Variants in VILL observed in about 807,000 individuals in gnomAD.
The protein encoded by VILL is villin like.
In VILL, 102 loss-of-function variants were observed where a neutral mutation model predicts 106.3. The observed-to-expected ratio is 0.96, with a 90% confidence interval of 0.82 to 1.13. VILL has a LOEUF of 1.13. Ranked by LOEUF, VILL falls within the 50% of genes most tolerant of loss-of-function variation. The pLI is 0.00. For missense variants in VILL, 1,076 were observed against 1,116.6 expected (o/e 0.96, Z 0.52); for synonymous variants, 431 against 440.3 (o/e 0.98, Z 0.27).
chr3:38,003,473 G>A lies in VILL; in HGVS notation c.1805+160G>A, dbSNP rs1322646448. 1.3e-5 allele frequency: 13 copies of A among 973,742 alleles called. No individual in the cohort carries two copies. The South Asian group carries it at 1.9e-4, about 15-fold the overall frequency. The allele number at this position is 973,742 out of a possible 1,614,324, so 60.3% of individuals were successfully genotyped here. A position where few individuals can be genotyped will look rare whatever the true frequency, so the allele number is the denominator to read the frequency against. ...AGAGGCTCCCACAAGTACAGCCCAC[G>A]CTTCGCTCCCAGGCCTGGGTAACTT... On this transcript the variant is annotated intron_variant, in intron 15 of 19. Transcript: ENST00000383759.
At chr3:38,006,729 A>G in intron 19 of VILL, 29 bp downstream of exon 19, 3 of 1,580,578 alleles carry the variant, frequency 1.9e-6, no homozygotes, top group Non-Finnish European at 1.7e-6. Flanking sequence ...CCCCAGCACT[A>G]GTGCATCTGA....
intron 11 of VILL, chr3:38,001,175 TG>T: frequency 1.8e-6 from 1 of 555,098 alleles, no homozygotes; most frequent in South Asian, 1.9e-5. Flanking sequence ...ACCAGGGTTG[TG>T]GCTGGTGGGG....
In VILL at chr3:38,002,544, C is replaced by T; in HGVS notation, c.1628C>T (p.Thr543Ile). Reference protein sequence around the residue: ...LNSSDIFLLVTASVCYLWFGK... With the variant: ...LNSSDIFLLVIASVCYLWFGK... ...TCCAGTGACATCTTCTTGCTGGTCACAGCCAGCGTCTGCTACCTCTGGTTT... is the reference window on the plus strand; with the variant it reads ...TCCAGTGACATCTTCTTGCTGGTCATAGCCAGCGTCTGCTACCTCTGGTTT... Residue 543 changes from threonine to isoleucine, a missense_variant, in exon 14 of 20, where the codon ACA becomes ATA. Physicochemically the swap from Thr to Ile is moderately conservative, Grantham distance 89. Coordinates refer to ENST00000383759, the MANE Select transcript of VILL (RefSeq NM_015873.4). The T allele has an allele frequency of 6.2e-7, 1 of 1,614,058 alleles. No homozygotes were observed. The highest frequency in any genetic ancestry group is 2.2e-5 in the East Asian group (1 of 44,892).
Position 37,994,293 on chromosome 3 carries a change from G to A in VILL, c.168G>A (p.Ala56=), listed in dbSNP as rs527610755. The change falls in exon 4 of 20, where the codon GCG becomes GCA. Residue 56 remains alanine (A), a synonymous_variant. Coordinates refer to ENST00000383759, the MANE Select transcript of VILL (RefSeq NM_015873.4). ...VPQSPKATQG[A]SSDLHYWVGK... ...AGAGCCCGAAGGCCACGCAGGGGGC[G>A]TCCAGCGACCTGCACTACTGGGTCG... 1.8e-5 allele frequency: 29 copies of A among 1,611,234 alleles called. No homozygotes were observed. In the South Asian group the frequency reaches 2.6e-4, roughly 15 times the overall value.
In VILL at chr3:37,998,195, T is replaced by TG. The variant is rs1699741763; in HGVS notation, c.843+28dup. ...TGAGGAAGGCCTGGCCCCAGCTACT[T>TG]GCATCCTTCCCCATCCACAACCCCA... On this transcript the variant is annotated intron_variant, in intron 8 of 19. Transcript: ENST00000383759. This position sits in a 1 kb window ranked among gnomAD's most constrained non-coding sequence, Gnocchi z 4.1. The TG allele has an allele frequency of 6.2e-7, 1 of 1,613,944 alleles. No individual in the cohort carries two copies. The highest frequency in any genetic ancestry group is 8.5e-7 in the Non-Finnish European group (1 of 1,179,914).
Position 37,998,770 on chromosome 3 carries a change from G to C in VILL, c.943-142G>C, listed in dbSNP as rs1699754067. On this transcript the variant is annotated intron_variant, in intron 9 of 19. Transcript: ENST00000383759. The surrounding 1 kb of genome is among the most constrained non-coding windows in gnomAD (Gnocchi z 4.1). ...GACCTCAGAGAAGTCGGTGGTGACA[G>C]AGTCAATTCGCTAAGTGGGTCATGA... The C allele has an allele frequency of 1.4e-6, 2 of 1,391,886 alleles. No homozygotes were observed. Among genetic ancestry groups the C allele is most frequent in the Non-Finnish European group, 1.9e-6 (2 of 1,060,230 alleles). The allele number at this position is 1,391,886 out of a possible 1,614,324, so 86.2% of individuals were successfully genotyped here.
chr3:37,995,819 A>G lies in VILL; in HGVS notation c.422A>G (p.Lys141Arg). The change falls in exon 5 of 20, where the codon AAA becomes AGA. Residue 141 changes from lysine to arginine, a missense_variant. Transcript: ENST00000383759. ...AACATCCAGCGACTGCTGCACATCA[A>G]AGGGAGGAAGCACGTGTCTGCCACT... ...LFNIQRLLHI[K>R]GRKHVSATEV... 1 of 1,613,714 alleles carries G rather than the reference A, an allele frequency of 6.2e-7. No individual in the cohort carries two copies. Among genetic ancestry groups the G allele is most frequent in the East Asian group, 2.2e-5 (1 of 44,868 alleles).
In VILL at chr3:38,005,860, G is replaced by T. The variant is rs374808100; in HGVS notation, c.2019G>T (p.Leu673=). 18 of 1,614,166 alleles carry T rather than the reference G, an allele frequency of 1.1e-5. No individual in the cohort carries two copies. In the African/African-American group the frequency reaches 2.4e-4, roughly 22 times the overall value. ...KEAVAWGQEY[L]KTHPAGRSPA... ...CGGTGGCCTGGGGCCAGGAGTACCT[G>T]AAGACTCACCCAGCAGGGAGGAGCC... The change falls in exon 17 of 20, where the codon CTG becomes CTT. Residue 673 remains leucine (L), a synonymous_variant. Transcript: ENST00000383759.
chr3:38,004,895 A>G (rs1699886462), intron 16 of VILL, among the ~76,000 whole-genome samples: 1 of 152,166 alleles, frequency 6.6e-6, no homozygotes, highest in South Asian at 2.1e-4. Flanking sequence ...TGTGTCTGTG[A>G]GCAAGACTAT....
chr3:38,001,973 C>G, intron 13 of VILL, 113 bp downstream of exon 13: 1 of 1,514,578 alleles, frequency 6.6e-7, no homozygotes, highest in Non-Finnish European at 8.9e-7. Flanking sequence ...CTTATCATCC[C>G]CTAGTTTCCC....
chr3:38,003,087 A>G, intron 14 of VILL, 81 bp from the exon 15 acceptor site: 2 of 1,535,964 alleles, frequency 1.3e-6, no homozygotes, highest in Non-Finnish European at 1.8e-6. Flanking sequence ...GCCCCACCCC[A>G]TACACCCTGT....
chr3:38,006,027 C>G lies in VILL; in HGVS notation c.2133+53C>G, dbSNP rs1002929384. On this transcript the variant is annotated intron_variant, in intron 17 of 19. Coordinates refer to ENST00000383759, the MANE Select transcript of VILL (RefSeq NM_015873.4). ...TACCCTAATTTGTGGGGAGAGGAAC[C>G]TGACCTGGGCCAATGGAATGAGGAG... The G allele has an allele frequency of 6.9e-6, 11 of 1,590,832 alleles. No homozygotes were observed. In the African/African-American group the frequency reaches 1.3e-4, roughly 19 times the overall value.
Position 37,993,593 on chromosome 3 carries a change from A to T in VILL, c.-80A>T. The T allele has an allele frequency of 7.5e-7, 1 of 1,341,816 alleles. No homozygotes were observed. The highest frequency in any genetic ancestry group is 1.1e-6 in the Non-Finnish European group (1 of 945,658). The allele number at this position is 1,341,816 out of a possible 1,614,324, so 83.1% of individuals were successfully genotyped here. ...GTCATGTTCTATAATGAAGTTGTAC[A>T]GGTAGCCAGGTGTCGGTCTCCAGCC... On this transcript the variant is annotated 5_prime_UTR_variant, in exon 2 of 20. Coordinates refer to ENST00000383759, the MANE Select transcript of VILL (RefSeq NM_015873.4).
Position 38,006,643 on chromosome 3 carries a change from A to G in VILL, c.2400A>G (p.Gln800=). 2 of 1,613,716 alleles carry G rather than the reference A, an allele frequency of 1.2e-6. No homozygotes were observed. The highest frequency in any genetic ancestry group is 1.7e-6 in the Non-Finnish European group (2 of 1,179,980). The change falls in exon 19 of 20, where the codon CAA becomes CAG. Residue 800 remains glutamine, a synonymous_variant. Coordinates refer to ENST00000383759, the MANE Select transcript of VILL (RefSeq NM_015873.4). ...ATINGGLRRE[Q]LMHQAVEDLP... ...TCAACGGGGGCCTGCGCCGGGAACA[A>G]CTGATGCACCAGGCTGTTGAGGACC...
Position 37,993,664 on chromosome 3 carries a change from T to G in VILL, c.-9T>G, listed in dbSNP as rs371390712. On this transcript the variant is annotated 5_prime_UTR_variant, in exon 2 of 20. Transcript: ENST00000383759. ...CCTTGTGTCGTCCCATATTCCTGCCTGGCCTGCGATGGACATCAGCAAGGG... is the reference window on the plus strand; with the variant it reads ...CCTTGTGTCGTCCCATATTCCTGCCGGGCCTGCGATGGACATCAGCAAGGG... The G allele has an allele frequency of 8.7e-6, 14 of 1,613,750 alleles. No homozygotes were observed. Among genetic ancestry groups the G allele is most frequent in the Non-Finnish European group, 1.2e-5 (14 of 1,179,776 alleles).
chr3:37,993,647 C>G lies in VILL; in HGVS notation c.-26C>G. The G allele has an allele frequency of 6.2e-7, 1 of 1,611,632 alleles. No individual in the cohort carries two copies. The highest frequency in any genetic ancestry group is 8.5e-7 in the Non-Finnish European group (1 of 1,178,406). On this transcript the variant is annotated 5_prime_UTR_variant, in exon 2 of 20. Transcript: ENST00000383759. ...GAACTCTGGCTGTTGTTCCTTGTGT[C>G]GTCCCATATTCCTGCCTGGCCTGCG...
chr3:38,002,234 C>G (rs1437470943), intron 13 of VILL, 162 bp from the exon 14 acceptor site: 1 of 676,370 alleles, frequency 1.5e-6, no homozygotes, highest in Non-Finnish European at 2.5e-6. Context: ...GATTCCTGCA[C>G]TCCACACTTA....
chr3:38,006,125 AT>A, intron 17 of VILL, 55 bp from the exon 18 acceptor site: 16 of 1,612,640 alleles, frequency 9.9e-6, no homozygotes, highest in Non-Finnish European at 1.4e-5. Flanking sequence ...CATGTGTCCC[AT>A]TGGTGCCCCC....
In VILL at chr3:38,003,277, C is replaced by T; in HGVS notation, c.1769C>T (p.Ala590Val). 6.2e-7 allele frequency: 1 copy of T among 1,613,050 alleles called. No homozygotes were observed. Among genetic ancestry groups the T allele is most frequent in the Non-Finnish European group, 8.5e-7 (1 of 1,179,630 alleles). ...CAGGAGCCTCCCCACTTCTGGGAGG[C>T]CCTGGGAGGCCGGGCCCCCTACCCC... ...EGQEPPHFWE[A>V]LGGRAPYPSN... Residue 590 changes from alanine (A) to valine (V), a missense_variant, in exon 15 of 20, where the codon GCC becomes GTC. By Grantham distance (64) the Ala-to-Val change is moderately conservative. Coordinates refer to ENST00000383759, the MANE Select transcript of VILL (RefSeq NM_015873.4).
Sources: gnomAD v4.1 joint callset for allele counts (sites outside exome capture counted in the v4.1 genomes callset) on GRCh38, gnomAD v4.1.1 for gene constraint, Gnocchi (gnomAD v3.1) non-coding constraint, MANE v1.5 for transcripts, NCBI Gene and HGNC (gene_info 2026-07-23, HGNC 2026-07-21) for gene names.